Variants in ME3 observed in about 807,000 individuals in gnomAD.
The protein encoded by ME3 is NADP-dependent malic enzyme, mitochondrial.
In ME3, 48 loss-of-function variants were observed where a neutral mutation model predicts 68.9. The observed-to-expected ratio is 0.70, with a 90% CI of 0.55 to 0.89. The LOEUF (loss-of-function observed/expected upper bound fraction) is 0.89. ME3 is among the 40% of genes least tolerant of loss of function. The pLI, the probability that ME3 is intolerant of heterozygous loss-of-function variation, is 0.00. For missense variants in ME3, 675 were observed against 797.4 expected (o/e 0.85, Z 1.85); for synonymous variants, 320 against 318.8 (o/e 1.00, Z -0.04).
intron 10 of ME3, among the ~76,000 whole-genome samples, chr11:86,449,148 T>C (rs10792854): frequency 0.78 from 119,327 of 152,138 alleles, 46,850 homozygotes; most frequent in South Asian, 0.86. Flanking sequence ...ATGTACTTCC[T>C]CTGTTCCCAT....
At position 86,482,061 on chromosome 11, in the gene ME3, C is replaced by T. The variant is rs188447208; in HGVS notation, c.809+5276G>A. ...GTTGAGCACTTTGACTTGCAGTTATCCATAGGACACAGTTCAGAAAACCAT... is the reference window on the plus strand; with the variant it reads ...GTTGAGCACTTTGACTTGCAGTTATTCATAGGACACAGTTCAGAAAACCAT... On this transcript the variant is annotated intron_variant, in intron 7 of 14. Transcript: ENST00000543262. Among the ~76,000 whole-genome samples the T allele has an allele frequency of 5.9e-5, 9 of 152,294 alleles. 1 individual carries two copies. In the East Asian group the frequency reaches 1.7e-3, roughly 29 times the overall value.
rs756565189 is a variant in ME3, at chr11:86,502,602, G to A, written c.544-4478C>T. Among the ~76,000 whole-genome samples the A allele has an allele frequency of 7.0e-4, 107 of 152,186 alleles. 3 individuals carry two copies. Among genetic ancestry groups the A allele is most frequent in the Non-Finnish European group, 8.8e-5 (6 of 68,034 alleles). Reference sequence around the variant, plus strand: ...TTTTCGTGACATCAATGGACCTTACGCTGGGAGCCACTAGTTCTGCAAATT... The same window carrying A: ...TTTTCGTGACATCAATGGACCTTACACTGGGAGCCACTAGTTCTGCAAATT... On this transcript the variant is annotated intron_variant, in intron 5 of 14. Coordinates refer to ENST00000543262, the Ensembl canonical transcript of ME3.
chr11:86,648,565 A>G (rs1475305988), intron 2 of ME3, among the ~76,000 whole-genome samples: 2 of 152,048 alleles, frequency 1.3e-5, no homozygotes, highest in Non-Finnish European at 2.9e-5. Flanking sequence ...TGGAAAGATT[A>G]ACAAAACAGA....
intron 2 of ME3, among the ~76,000 whole-genome samples, chr11:86,642,991 T>C (rs1428421638): frequency 7.0e-6 from 1 of 142,102 alleles, no homozygotes; most frequent in Non-Finnish European, 1.5e-5. Flanking sequence ...AAGGTTTCTA[T>C]TAGTTTTTTT....
exon 10 of ME3, chr11:86,449,985 G>A: frequency 6.2e-7 from 1 of 1,613,422 alleles, no homozygotes; most frequent in Non-Finnish European, 8.5e-7. Context: ...CAAGGAGGTG[G>A]GCAATGCCCA....
At chr11:86,567,243 A>AAAGAAAGAAAGGAAGAAAGG (rs869098620) in intron 2 of ME3, among the ~76,000 whole-genome samples, 4 of 144,464 alleles carry the variant, frequency 2.8e-5, no homozygotes, top group Non-Finnish European at 4.5e-5. Context: ...GAAAAGAAAG[A>AAAGAAAGAAAGGAAGAAAGG]AAGGAAGGAA....
At chr11:86,584,043 A>T (rs1199129605) in intron 2 of ME3, among the ~76,000 whole-genome samples, 1 of 152,176 alleles carries the variant, frequency 6.6e-6, no homozygotes, top group Non-Finnish European at 1.5e-5. Flanking sequence ...ACAGAATGGG[A>T]AAAAGTATTT....
At chr11:86,525,975 A>G (rs571910607) in intron 4 of ME3, among the ~76,000 whole-genome samples, 2 of 152,200 alleles carry the variant, frequency 1.3e-5, no homozygotes, top group South Asian at 4.1e-4. Context: ...TGCATTTCCA[A>G]CTGAGGTACC....
At chr11:86,474,926 C>G (rs181982307) in intron 7 of ME3, among the ~76,000 whole-genome samples, 3 of 152,206 alleles carry the variant, frequency 2.0e-5, no homozygotes, top group African/African-American at 7.2e-5. Flanking sequence ...TGACTTCTTG[C>G]CATATTCAAT....
At chr11:86,609,735 T>C (rs986479557) in intron 2 of ME3, among the ~76,000 whole-genome samples, 4 of 152,132 alleles carry the variant, frequency 2.6e-5, no homozygotes, top group Non-Finnish European at 5.9e-5. Flanking sequence ...AAAATTGTAA[T>C]AGCAAAAAAT....
intron 11 of ME3, among the ~76,000 whole-genome samples, chr11:86,447,886 A>AAG (rs138161389): frequency 1.9e-4 from 28 of 149,876 alleles, no homozygotes; most frequent in East Asian, 1.6e-3. Context: ...GACAGAGAGA[A>AAG]AGAGAGAGAG....
At position 86,474,712 on chromosome 11, in the gene ME3, G is replaced by A. The variant is rs190446451; in HGVS notation, c.810-9512C>T. On this transcript the variant is annotated intron_variant, in intron 7 of 14. Transcript: ENST00000543262. Reference sequence around the variant, plus strand: ...CTGAGTGTTCTCTTCAGTTGCTAGCGCTTTCCTGGGAATAAGGTCATGACT... The same window carrying A: ...CTGAGTGTTCTCTTCAGTTGCTAGCACTTTCCTGGGAATAAGGTCATGACT... 2.9e-3 allele frequency among the ~76,000 whole-genome samples: 437 copies of A among 152,300 alleles called. 2 individuals carry two copies. The highest frequency in any genetic ancestry group is 0.01 in the Middle Eastern group (3 of 294).
In ME3 at chr11:86,505,284, A is replaced by G. The variant is rs117130025; in HGVS notation, c.543+3508T>C. Among the ~76,000 whole-genome samples the G allele has an allele frequency of 3.2e-4, 49 of 151,508 alleles. No individual in the cohort carries two copies. The East Asian group carries it at 9.2e-3, about 28-fold the overall frequency. ...TGGGGGGGGAGGAACCTCCAGAAAA[A>G]GGCCAGTGGGTAGGGCAGGGAGGGG... On this transcript the variant is annotated intron_variant, in intron 5 of 14. Coordinates refer to ENST00000543262, the Ensembl canonical transcript of ME3.
intron 2 of ME3, among the ~76,000 whole-genome samples, chr11:86,641,585 A>G (rs1382496092): frequency 2.0e-5 from 3 of 152,364 alleles, no homozygotes; most frequent in Middle Eastern, 3.4e-3. Context: ...AAACCACTAT[A>G]GTTATACTAC....
At chr11:86,453,278 G>A (rs913250468) in intron 8 of ME3, among the ~76,000 whole-genome samples, 8 of 152,202 alleles carry the variant, frequency 5.3e-5, no homozygotes, top group African/African-American at 1.9e-4. Context: ...GGGATTACAG[G>A]CGTTAGCCAC....
intron 4 of ME3, among the ~76,000 whole-genome samples, chr11:86,547,251 A>G (rs1220986158): frequency 6.6e-6 from 1 of 151,652 alleles, no homozygotes; most frequent in Non-Finnish European, 1.5e-5. Flanking sequence ...AAAAAAAAAA[A>G]AAAAAAAAAG....
chr11:86,642,272 G>C (rs1173106596), intron 2 of ME3, among the ~76,000 whole-genome samples: 1 of 152,180 alleles, frequency 6.6e-6, no homozygotes, highest in Non-Finnish European at 1.5e-5. Context: ...AGAAAAAGAA[G>C]GAAGTCTCTT....
intron 2 of ME3, among the ~76,000 whole-genome samples, chr11:86,625,267 A>G (rs917457694): frequency 1.3e-5 from 2 of 152,084 alleles, no homozygotes; most frequent in Admixed American, 1.3e-4. Context: ...TTTGGTGACC[A>G]TAGTTACAGA....
Position 86,446,455 on chromosome 11 carries a change from A to G in ME3, c.1413T>C (p.Phe471=), listed in dbSNP as rs759715043. The G allele has an allele frequency of 5.0e-6, 8 of 1,614,226 alleles. No individual in the cohort carries two copies. The South Asian group carries it at 8.8e-5, about 18-fold the overall frequency. Residue 471 remains phenylalanine, a synonymous_variant, in exon 13 of 15, where the codon TTT becomes TTC. Transcript: ENST00000543262. ...TGCCATCTTCCAGAGTCACACTCTT[A>G]AAAGGACTTCCACTGGCAAAAATCC...
Sources: allele counts gnomAD v4.1 joint callset (sites outside exome capture counted in the v4.1 genomes callset), GRCh38; gene constraint gnomAD v4.1.1; transcripts MANE v1.5; gene names NCBI Gene and HGNC (gene_info 2026-07-23, HGNC 2026-07-21).